CD163L1: variants seen among roughly 807,000 people sequenced by gnomAD.
CD163L1 encodes the protein scavenger receptor cysteine-rich type 1 protein M160.
Under a neutral mutation model 165.4 loss-of-function variants are expected in CD163L1, and 124 were observed. The observed-to-expected ratio is 0.75, with a 90% CI of 0.65 to 0.87. The LOEUF (loss-of-function observed/expected upper bound fraction) is 0.87, where lower values mean the gene tolerates loss of function less well. Ranked by LOEUF, CD163L1 falls within the 40% of genes least tolerant of loss-of-function variation. The pLI is 0.00. For missense variants in CD163L1, 1,525 were observed against 1,799.9 expected (o/e 0.85, Z 2.76); for synonymous variants, 585 against 662.2 (o/e 0.88, Z 1.79).
chr12:7,433,197 T>C (rs2136634100), intron 3 of CD163L1, 177 bp downstream of exon 3: 1 of 519,302 alleles, frequency 1.9e-6, no homozygotes, highest in Non-Finnish European at 3.2e-6. Context: ...GTTATAGTTA[T>C]AAAAAGAAAA....
chr12:7,340,632 G>A, the CD163L1 span, among the ~76,000 whole-genome samples: 2 of 151,864 alleles, frequency 1.3e-5, no homozygotes, highest in African/African-American at 2.4e-5. Context: ...GAACCCATAG[G>A]CAGAGGAACA....
chr12:7,391,815 A>G (rs1252808843), intron 8 of CD163L1, among the ~76,000 whole-genome samples: 1 of 152,194 alleles, frequency 6.6e-6, no homozygotes, highest in Non-Finnish European at 1.5e-5. Context: ...CGAAGATCAA[A>G]AGAGACAAAG....
At chr12:7,319,419 G>A in the CD163L1 span, among the ~76,000 whole-genome samples, 4 of 151,816 alleles carry the variant, frequency 2.6e-5, no homozygotes, top group Non-Finnish European at 4.4e-5. Flanking sequence ...GTGAAACCTC[G>A]TCTCTACTAA....
chr12:7,331,493 G>C, the CD163L1 span, among the ~76,000 whole-genome samples: 1 of 152,180 alleles, frequency 6.6e-6, no homozygotes, highest in African/African-American at 2.4e-5. Context: ...TCCTCAAGTG[G>C]GTCCCTGACC....
chr12:7,412,041 C>G (rs759611091), intron 4 of CD163L1, among the ~76,000 whole-genome samples: 1 of 152,298 alleles, frequency 6.6e-6, no homozygotes, highest in Non-Finnish European at 1.5e-5. Context: ...TCAAAATAGA[C>G]AAAAGTCTGG....
chr12:7,327,167 G>T, the CD163L1 span: 2 of 1,455,742 alleles, frequency 1.4e-6, no homozygotes, highest in South Asian at 1.4e-5. Flanking sequence ...AGATTTTACT[G>T]GATTTTGATT....
Position 7,398,225 on chromosome 12 carries a change from TTC to T in CD163L1, c.1729+37_1729+38del. The T allele has an allele frequency of 6.4e-7, 1 of 1,568,770 alleles. No individual in the cohort carries two copies. Among genetic ancestry groups the T allele is most frequent in the Non-Finnish European group, 8.7e-7 (1 of 1,152,764 alleles). ...AAGCCCTTCCTATGAGGAATACTAT[TTC>T]TCTTATCAGGAAATAATAAACAAGA... On this transcript the variant is annotated intron_variant, in intron 7 of 19. Transcript: ENST00000313599. This position sits in a 1 kb window ranked among gnomAD's most constrained non-coding sequence, Gnocchi z 4.5.
chr12:7,396,466 T>A (rs1387309926), intron 7 of CD163L1, 51 bp from the exon 8 acceptor site: 1 of 1,490,706 alleles, frequency 6.7e-7, no homozygotes, highest in Non-Finnish European at 9.0e-7. Context: ...TGGTTTATTT[T>A]ATATGTCAAC....
rs184029913 is a variant in CD163L1, at chr12:7,378,828, A to G, written c.2371+150T>C. The stretch of plus-strand genomic sequence containing the variant: ...ATTTAATTATATATTTTTATTATAT[A>G]CCTGTCTTCTAGATAGAGGGTAGGA... On this transcript the variant is annotated intron_variant, in intron 9 of 19. Transcript: ENST00000313599. 547 of 486,238 alleles carry G rather than the reference A, an allele frequency of 1.1e-3. 1 individual carries two copies. Among genetic ancestry groups the G allele is most frequent in the Non-Finnish European group, 1.6e-3 (473 of 288,822 alleles). The allele number at this position is 486,238 out of a possible 1,614,324, so 30.1% of individuals were successfully genotyped here.
At chr12:7,353,037 T>A (rs752981733), downstream of CD163L1, among the ~76,000 whole-genome samples, 2 of 152,110 alleles carry the variant, frequency 1.3e-5, no homozygotes, top group East Asian at 3.9e-4. Flanking sequence ...GCTATTTAAA[T>A]AAGTTTGAAA....
chr12:7,375,420 A>G lies in CD163L1; in HGVS notation c.2862T>C (p.Tyr954=). Residue 954 remains tyrosine, a synonymous_variant, in exon 11 of 20, where the codon TAT becomes TAC. Coordinates refer to ENST00000313599, the MANE Select transcript of CD163L1 (RefSeq NM_174941.6). ...ACACACGAACACTTCTTTCTCCAAT[A>G]TATTTTCCTCCTGTGGTTGAGAGAG... ...GTALSTTGGK[Y]IGERSVRVWG... 7 of 1,614,120 alleles carry G rather than the reference A, an allele frequency of 4.3e-6. No individual in the cohort carries two copies. The highest frequency in any genetic ancestry group is 5.9e-6 in the Non-Finnish European group (7 of 1,180,030).
At chr12:7,320,909 C>A in the CD163L1 span, 4 of 966,544 alleles carry the variant, frequency 4.1e-6, no homozygotes, top group Non-Finnish European at 4.9e-6. Flanking sequence ...CTCAGTCTTA[C>A]CACCACTGAC....
chr12:7,378,417 C>T (rs1214603968), intron 9 of CD163L1, among the ~76,000 whole-genome samples: 1 of 152,182 alleles, frequency 6.6e-6, no homozygotes, highest in Admixed American at 6.6e-5. Context: ...ATCATGCTTA[C>T]AACCTTCAAT....
chr12:7,320,206 A>T, the CD163L1 span, among the ~76,000 whole-genome samples: 1 of 152,176 alleles, frequency 6.6e-6, no homozygotes, highest in Non-Finnish European at 1.5e-5. Flanking sequence ...GAAACCAGAG[A>T]CATAATGAAC....
intron 4 of CD163L1, among the ~76,000 whole-genome samples, chr12:7,407,503 G>T (rs1247255839): frequency 6.6e-6 from 1 of 151,766 alleles, no homozygotes; most frequent in Non-Finnish European, 1.5e-5. Flanking sequence ...TTAATTCAAA[G>T]TCTCAGCCTT....
intron 8 of CD163L1, among the ~76,000 whole-genome samples, chr12:7,389,699 G>C (rs1947604427): frequency 6.6e-6 from 1 of 151,952 alleles, no homozygotes; most frequent in Admixed American, 6.6e-5. Flanking sequence ...ATAAATGCTT[G>C]AGGGGATGGA....
At chr12:7,412,231 T>C (rs1948151233) in intron 4 of CD163L1, among the ~76,000 whole-genome samples, 1 of 152,232 alleles carries the variant, frequency 6.6e-6, no homozygotes, top group African/African-American at 2.4e-5. Flanking sequence ...AGGAATTCAA[T>C]ATATGATGTA....
At chr12:7,403,881 C>G in intron 5 of CD163L1, 26 bp from the exon 6 acceptor site, 1 of 1,600,090 alleles carries the variant, frequency 6.2e-7, no homozygotes, top group South Asian at 1.1e-5. Flanking sequence ...AGAGAAACGT[C>G]TGAATTGGGT....
Position 7,438,747 on chromosome 12 carries a change from CG to C in CD163L1, c.124+2406del, listed in dbSNP as rs1948773187. The C allele has an allele frequency of 3.0e-5, 37 of 1,238,454 alleles. 1 individual carries two copies. In the South Asian group the frequency reaches 5.6e-4, roughly 19 times the overall value. The allele number at this position is 1,238,454 out of a possible 1,614,324, so 76.7% of individuals were successfully genotyped here. On this transcript the variant is annotated intron_variant, in intron 2 of 19. Transcript: ENST00000313599. ...TGTGAAATGTCTTGGCCACTCAACA[CG>C]GGTTTTCTGCTGCCTCCCGTGGCCC... is the stretch of plus-strand genomic sequence containing the variant.
Sources: allele counts gnomAD v4.1 joint callset (sites outside exome capture counted in the v4.1 genomes callset), GRCh38; gene constraint gnomAD v4.1.1; non-coding constraint Gnocchi (gnomAD v3.1); transcripts MANE v1.5; gene names NCBI Gene and HGNC (gene_info 2026-07-23, HGNC 2026-07-21).